MVK: variants seen among roughly 807,000 people sequenced by gnomAD.
MVK encodes LH receptor mRNA-binding protein.
MVK carries 34 observed loss-of-function variants against 43.2 expected under a neutral mutation model. That is an observed-to-expected ratio of 0.79 (90% CI 0.60 to 1.05). The LOEUF (loss-of-function observed/expected upper bound fraction) is 1.05. Among genes scored for constraint, MVK ranks in the 50% least tolerant of loss-of-function variants. The pLI is 0.00. For missense variants in MVK, 395 were observed against 504.0 expected, an observed-to-expected ratio of 0.78 and a Z score of 2.07; for synonymous variants, 190 against 219.8, an observed-to-expected ratio of 0.86 and a Z score of 1.20.
chr12:109,583,443 G>C (rs1251334460), intron 5 of MVK, among the ~76,000 whole-genome samples: 1 of 152,056 alleles, frequency 6.6e-6, no homozygotes, highest in Non-Finnish European at 1.5e-5. Flanking sequence ...ATTTTTTATG[G>C]CTGCATAGTG....
chr12:109,575,966 C>T (rs1345856883), intron 2 of MVK, 32 bp from the exon 3 acceptor site: 1 of 1,613,768 alleles, frequency 6.2e-7, no homozygotes, highest in African/African-American at 1.3e-5. Flanking sequence ...CACTCACCCT[C>T]AGGCTTATTG....
At position 109,595,115 on chromosome 12, in the gene MVK, C is replaced by T. The variant is rs761813144; in HGVS notation, c.973C>T (p.Arg325Cys). 27 of 1,614,022 alleles carry T rather than the reference C, an allele frequency of 1.7e-5. No individual in the cohort carries two copies. In the African/African-American group the frequency reaches 1.7e-4, roughly 10 times the overall value. Residue 325 changes from arginine to cysteine, a missense_variant, in exon 10 of 11, where the codon CGC (arginine) becomes TGC (cysteine). Physicochemically the swap from Arg to Cys is radical, Grantham distance 180. Transcript: ENST00000228510. This position sits in a 1 kb window ranked among gnomAD's most constrained non-coding sequence, Gnocchi z 5.9. ...LDQLCQVTRA[R>C]GLHSKLTGAG... is the part of the protein sequence containing the mutation. ...CCAGCTCTGCCAGGTGACCAGGGCCCGCGGACTTCACAGCAAGCTGACTGG... is the reference window on the plus strand; with the variant it reads ...CCAGCTCTGCCAGGTGACCAGGGCCTGCGGACTTCACAGCAAGCTGACTGG...
rs1885855480 is a variant in MVK at position 109,595,048 on chromosome 12, G to T, written c.906G>T (p.Gln302His). ...CCTAGGAGCTCATTGACATGAACCA[G>T]CACCATCTGAATGCCCTCGGCGTGG... ...LVLEELIDMN[Q>H]HHLNALGVGH... Residue 302 changes from glutamine to histidine, a missense_variant, in exon 10 of 11, where the codon CAG becomes CAT. Coordinates refer to ENST00000228510, the MANE Select transcript of MVK (RefSeq NM_000431.4). The surrounding 1 kb of genome is among the most constrained non-coding windows in gnomAD (Gnocchi z 5.9). 1 of 1,614,106 alleles carries T rather than the reference G, an allele frequency of 6.2e-7. No homozygotes were observed. The highest frequency in any genetic ancestry group is 1.3e-5 in the African/African-American group (1 of 74,946).
chr12:109,590,959 G>A (rs1490947645), intron 8 of MVK, 98 bp downstream of exon 8: 12 of 1,306,150 alleles, frequency 9.2e-6, no homozygotes, highest in Non-Finnish European at 1.2e-5. Context: ...GTTATAGGGG[G>A]TGTGGTGGGT....
At chr12:109,591,439 A>C in intron 9 of MVK, 82 bp downstream of exon 9, 1 of 1,359,338 alleles carries the variant, frequency 7.4e-7, no homozygotes, top group Non-Finnish European at 1.0e-6. Flanking sequence ...GGCTGTGCTC[A>C]GAATCCCCCG....
intron 2 of MVK, 99 bp downstream of exon 2, chr12:109,574,999 C>T (rs1323529527): frequency 1.7e-6 from 2 of 1,208,336 alleles, no homozygotes; most frequent in Non-Finnish European, 1.2e-6. Flanking sequence ...AGCTTGGGAG[C>T]AGATCAGAGA....
At chr12:109,591,396 A>C (rs757835380) in intron 9 of MVK, 39 bp downstream of exon 9, 17 of 1,577,060 alleles carry the variant, frequency 1.1e-5, no homozygotes, top group Admixed American at 1.7e-5. Flanking sequence ...TACTGAGTCC[A>C]CACCACTGTC....
chr12:109,587,357 C>T (rs1885481578), intron 7 of MVK, among the ~76,000 whole-genome samples: 1 of 152,228 alleles, frequency 6.6e-6, no homozygotes, highest in Non-Finnish European at 1.5e-5. Context: ...TTTTATGTTT[C>T]TGTGTCCCTC....
At chr12:109,590,456 C>T (rs1885616210) in intron 7 of MVK, 2 of 420,990 alleles carry the variant, frequency 4.8e-6, no homozygotes, top group Admixed American at 3.5e-5. Context: ...AAAACCTTCT[C>T]GGCCCTTCTC....
intron 8 of MVK, 148 bp from the exon 9 acceptor site, chr12:109,591,093 A>G (rs907858352): frequency 2.1e-6 from 2 of 951,314 alleles, no homozygotes; most frequent in Non-Finnish European, 3.3e-6. Context: ...TGGGAAGGCA[A>G]AAAAACAGGC....
At chr12:109,581,769 C>G (rs892961169) in intron 5 of MVK, among the ~76,000 whole-genome samples, 1 of 152,224 alleles carries the variant, frequency 6.6e-6, no homozygotes, top group African/African-American at 2.4e-5. Flanking sequence ...GAGCTTTTCT[C>G]TCCTGCTCTC....
chr12:109,591,014 C>T (rs1334175294), intron 8 of MVK, among the ~76,000 whole-genome samples, 153 bp downstream of exon 8: 3 of 152,126 alleles, frequency 2.0e-5, no homozygotes, highest in Non-Finnish European at 2.9e-5. Context: ...AAGAAGGTAC[C>T]GTCCGTGCCC....
At chr12:109,592,439 A>T (rs1885728263) in intron 9 of MVK, among the ~76,000 whole-genome samples, 1 of 152,118 alleles carries the variant, frequency 6.6e-6, no homozygotes, top group Non-Finnish European at 1.5e-5. Context: ...GGGACAGGAG[A>T]GGGGCGTGCG....
intron 1 of MVK, among the ~76,000 whole-genome samples, chr12:109,574,363 T>C (rs1884824930): frequency 6.6e-6 from 1 of 152,222 alleles, no homozygotes; most frequent in Non-Finnish European, 1.5e-5. Flanking sequence ...CATGATTTCA[T>C]GTAATTTCTA....
At position 109,591,257 on chromosome 12, in the gene MVK, C is replaced by G; in HGVS notation, c.785C>G (p.Ala262Gly). ...NRLLKFPEIVAPLLTSIDAIS... is the reference protein window; with the variant it reads ...NRLLKFPEIVGPLLTSIDAIS... ...TTTCTCCAGTTCCCAGAGATCGTGG[C>G]CCCCCTCCTGACCTCAATAGATGCC... The change falls in exon 9 of 11, where the codon GCC (alanine) becomes GGC (glycine). Residue 262 changes from alanine to glycine, a missense_variant. By Grantham distance (60) the Ala-to-Gly change is moderately conservative (BLOSUM62 0). Transcript: ENST00000228510. The G allele has an allele frequency of 6.2e-7, 1 of 1,614,118 alleles. No individual in the cohort carries two copies. The highest frequency in any genetic ancestry group is 8.5e-7 in the Non-Finnish European group (1 of 1,180,006).
chr12:109,573,397 C>T (rs747142605), upstream of MVK: 1 of 1,612,016 alleles, frequency 6.2e-7, no homozygotes, highest in Non-Finnish European at 8.5e-7. Flanking sequence ...AACGGGGATA[C>T]AGGAGCCTGG....
chr12:109,596,708 C>T lies in MVK; in HGVS notation c.*131C>T, dbSNP rs1367758045. On this transcript the variant is annotated 3_prime_UTR_variant, in exon 11 of 11. Transcript: ENST00000228510. ...TGCTGGAGAGGCCCCAGCCGCTTGG[C>T]GATGCCAGCCAAGCTCTGCAGTCCC... 13 of 1,312,298 alleles carry T rather than the reference C, an allele frequency of 9.9e-6. No homozygotes were observed. Among genetic ancestry groups the T allele is most frequent in the East Asian group, 2.5e-5 (1 of 39,774 alleles). 81.3% of individuals were successfully genotyped at this position (1,312,298 alleles called of 1,614,324 possible).
chr12:109,589,307 G>A (rs1215250383), intron 7 of MVK: 1 of 152,228 alleles, frequency 6.6e-6, no homozygotes, highest in African/African-American at 2.4e-5. Flanking sequence ...CTGGCTAGAT[G>A]GGAGCATGGA....
chr12:109,586,205 C>A, intron 6 of MVK, 80 bp downstream of exon 6: 1 of 1,142,416 alleles, frequency 8.8e-7, no homozygotes, highest in Non-Finnish European at 1.3e-6. Flanking sequence ...AGAGTCTGTG[C>A]TGGTTTGGGA....
Sources: gnomAD v4.1 joint callset for allele counts (sites outside exome capture counted in the v4.1 genomes callset) on GRCh38, gnomAD v4.1.1 for gene constraint, Gnocchi (gnomAD v3.1) non-coding constraint, MANE v1.5 for transcripts, NCBI Gene and HGNC (gene_info 2026-07-23, HGNC 2026-07-21) for gene names.